The following CTNND2 variants were observed in gnomAD, a reference collection of about 807,000 sequenced individuals.
CTNND2 encodes catenin delta-2.
A neutral mutation model predicts 144.4 loss-of-function variants in CTNND2; 22 were observed. The ratio of observed to expected loss-of-function variants is 0.15; its 90% CI spans 0.11 to 0.22. CTNND2 has a LOEUF of 0.22. Among genes scored for constraint, CTNND2 ranks in the 10% least tolerant of loss-of-function variants. CTNND2 has a pLI of 1.00. For synonymous variants in CTNND2, 751 were observed against 695.6 expected (o/e 1.08, Z -1.25); for missense variants, 1,353 against 1,618.8 (o/e 0.84, Z 2.82).
intron 10 of CTNND2, among the ~76,000 whole-genome samples, chr5:11,234,087 A>G (rs1331214511): frequency 6.6e-6 from 1 of 152,172 alleles, no homozygotes; most frequent in African/African-American, 2.4e-5. Flanking sequence ...GGCCACCCCA[A>G]ACAGTGAGAA....
chr5:11,061,558 G>A (rs1219452747), intron 16 of CTNND2, among the ~76,000 whole-genome samples: 1 of 152,050 alleles, frequency 6.6e-6, no homozygotes, highest in Non-Finnish European at 1.5e-5. Context: ...TTGCCCAGAT[G>A]GTGTAAGGTC....
At chr5:11,066,238 C>A (rs535328810) in intron 16 of CTNND2, among the ~76,000 whole-genome samples, 1 of 152,148 alleles carries the variant, frequency 6.6e-6, no homozygotes, top group Non-Finnish European at 1.5e-5. Flanking sequence ...TGGGGTTCCA[C>A]CATGTTGGCC....
intron 10 of CTNND2, among the ~76,000 whole-genome samples, chr5:11,231,409 GCTT>G (rs1345089808): frequency 6.6e-6 from 1 of 152,118 alleles, no homozygotes; most frequent in Non-Finnish European, 1.5e-5. Context: ...TTGTTGAATG[GCTT>G]TGACCAAAAT....
chr5:11,253,322 T>G (rs1031383325), intron 9 of CTNND2, among the ~76,000 whole-genome samples: 1 of 152,228 alleles, frequency 6.6e-6, no homozygotes, highest in African/African-American at 2.4e-5. Context: ...TGATATGGTT[T>G]GGCTGTGTCC....
chr5:11,020,832 A>AACCCTAACCCTAACCCTAACCCTAACCC (rs1561183187), intron 17 of CTNND2, among the ~76,000 whole-genome samples: 1 of 150,912 alleles, frequency 6.6e-6, no homozygotes, highest in African/African-American at 2.5e-5. Context: ...CCAATTTAAC[A>AACCCTAACCCTAACCCTAACCCTAACCC]CTTCTTATTA....
intron 1 of CTNND2, among the ~76,000 whole-genome samples, chr5:11,873,103 A>G (rs1735285774): frequency 6.6e-6 from 1 of 152,078 alleles, no homozygotes; most frequent in Non-Finnish European, 1.5e-5. Flanking sequence ...CTATCCAACA[A>G]AGGGCTATTC....
At chr5:11,798,255 GT>G (rs1791503164) in intron 1 of CTNND2, among the ~76,000 whole-genome samples, 1 of 104,604 alleles carries the variant, frequency 9.6e-6, no homozygotes, top group African/African-American at 3.8e-5. Context: ...GAGTGAGACT[GT>G]TTCAAAAAAA....
chr5:11,069,466 T>A (rs1485003746), intron 16 of CTNND2, among the ~76,000 whole-genome samples: 1 of 152,176 alleles, frequency 6.6e-6, no homozygotes. Flanking sequence ...AATGAAAATG[T>A]TATCCGTAGG....
chr5:11,174,247 A>T (rs1760241437), intron 11 of CTNND2, among the ~76,000 whole-genome samples: 2 of 152,182 alleles, frequency 1.3e-5, no homozygotes, highest in African/African-American at 2.4e-5. Context: ...AGTGCTGCAC[A>T]AAGGTAGAAA....
intron 1 of CTNND2, among the ~76,000 whole-genome samples, chr5:11,814,520 G>A (rs1345297233): frequency 6.6e-6 from 1 of 152,228 alleles, no homozygotes; most frequent in Admixed American, 6.5e-5. Context: ...CAGCACATGT[G>A]GTGAGCCAGG....
At chr5:11,664,874 A>C (rs768187313) in intron 2 of CTNND2, among the ~76,000 whole-genome samples, 1 of 152,144 alleles carries the variant, frequency 6.6e-6, no homozygotes, top group Non-Finnish European at 1.5e-5. Flanking sequence ...TTATTGTTGG[A>C]TTAAGTATAT....
chr5:11,388,431 C>T lies in CTNND2; in HGVS notation c.613-3202G>A, dbSNP rs551799310. On this transcript the variant is annotated intron_variant, in intron 6 of 21. Transcript: ENST00000304623. ...CTGAGGAACTTCAGTACATACTTAACTTTAATTAAGTTAAACAGCCACATG... is the reference window on the plus strand; with the variant it reads ...CTGAGGAACTTCAGTACATACTTAATTTTAATTAAGTTAAACAGCCACATG... Among the ~76,000 whole-genome samples the T allele has an allele frequency of 2.0e-5, 3 of 152,316 alleles. No homozygotes were observed. In the South Asian group the frequency reaches 6.2e-4, roughly 32 times the overall value.
chr5:11,050,819 A>G (rs145596759), intron 16 of CTNND2, among the ~76,000 whole-genome samples: 1 of 152,194 alleles, frequency 6.6e-6, no homozygotes, highest in Non-Finnish European at 1.5e-5. Context: ...TCTGCTTCCA[A>G]CTGAGGACCA....
chr5:11,260,420 C>T (rs149796488), intron 9 of CTNND2, among the ~76,000 whole-genome samples: 12 of 151,940 alleles, frequency 7.9e-5, no homozygotes, highest in East Asian at 5.8e-4. Context: ...AGGTCTCACA[C>T]GAAAACCCAA....
chr5:11,324,215 T>G (rs2150073192), intron 9 of CTNND2, among the ~76,000 whole-genome samples: 1 of 152,280 alleles, frequency 6.6e-6, no homozygotes, highest in East Asian at 1.9e-4. Context: ...TAGGCCCTGG[T>G]TACCCTTTTC....
At chr5:11,870,968 G>A (rs1050074993) in intron 1 of CTNND2, among the ~76,000 whole-genome samples, 6 of 152,234 alleles carry the variant, frequency 3.9e-5, no homozygotes, top group Admixed American at 3.9e-4. Context: ...CTAATTCCCA[G>A]TGTAATGGTA....
chr5:11,561,652 CTGTACTATTGGATGGACTGTTAGGAAG>C (rs1776692213), intron 3 of CTNND2, among the ~76,000 whole-genome samples: 2 of 152,200 alleles, frequency 1.3e-5, no homozygotes, highest in Admixed American at 1.3e-4. Flanking sequence ...TAGCATCCTC[CTGTACTATTGGATGGACTGTTAGGAAG>C]TTGACTTGTA....
At chr5:11,570,598 T>A (rs1453361989) in intron 2 of CTNND2, among the ~76,000 whole-genome samples, 1 of 152,150 alleles carries the variant, frequency 6.6e-6, no homozygotes, top group Non-Finnish European at 1.5e-5. Context: ...TCTCCAATGT[T>A]GCTGTTGAGA....
intron 2 of CTNND2, among the ~76,000 whole-genome samples, chr5:11,651,065 T>C (rs1782624201): frequency 6.6e-6 from 1 of 152,178 alleles, no homozygotes; most frequent in African/African-American, 2.4e-5. Flanking sequence ...TTGAAGGCAT[T>C]TCACAGAACT....
Sources: gnomAD v4.1 joint callset for allele counts (sites outside exome capture counted in the v4.1 genomes callset) on GRCh38, gnomAD v4.1.1 for gene constraint, MANE v1.5 for transcripts, NCBI Gene and HGNC (gene_info 2026-07-23, HGNC 2026-07-21) for gene names.